The following CD82 variants were observed in gnomAD, a reference collection of about 807,000 sequenced individuals.
CD82 encodes CD82 antigen.
In CD82, 36 loss-of-function variants were observed where a neutral mutation model predicts 37.4. The observed-to-expected ratio is 0.96, with a 90% CI of 0.74 to 1.27. The LOEUF is 1.27. Ranked by LOEUF, CD82 falls within the 50% of genes most tolerant of loss-of-function variation. The pLI, the probability that CD82 is intolerant of heterozygous loss-of-function variation, is 0.00. For missense variants in CD82, 340 were observed against 347.0 expected (o/e 0.98, Z 0.16); for synonymous variants, 158 against 137.4 (o/e 1.15, Z -1.05).
chr11:44,586,832 A>T (rs2134641523), intron 1 of CD82, among the ~76,000 whole-genome samples: 1 of 152,302 alleles, frequency 6.6e-6, no homozygotes, highest in Non-Finnish European at 1.5e-5. Context: ...GCTTCCTAAA[A>T]ACATACATTG....
At chr11:44,610,897 T>C (rs1483544543) in intron 6 of CD82, among the ~76,000 whole-genome samples, 1 of 152,158 alleles carries the variant, frequency 6.6e-6, no homozygotes, top group East Asian at 1.9e-4. Flanking sequence ...TGCAGTGGGA[T>C]GATCTCGGCC....
At chr11:44,601,967 G>A (rs2134668594) in intron 4 of CD82, among the ~76,000 whole-genome samples, 1 of 151,866 alleles carries the variant, frequency 6.6e-6, no homozygotes, top group East Asian at 1.9e-4. Context: ...GCAGAACTGG[G>A]GACAGCTCTT....
chr11:44,608,865 C>T (rs760333714), intron 6 of CD82, among the ~76,000 whole-genome samples: 16 of 152,370 alleles, frequency 1.1e-4, no homozygotes, highest in Non-Finnish European at 2.2e-4. Context: ...GAGCCGGAGC[C>T]CCCAGGGGCT....
intron 2 of CD82, among the ~76,000 whole-genome samples, chr11:44,591,899 A>C (rs1249175121): frequency 6.6e-6 from 1 of 152,080 alleles, no homozygotes; most frequent in East Asian, 1.9e-4. Flanking sequence ...AGCTCACTGC[A>C]ACCTCCACCT....
At chr11:44,612,346 T>C (rs1184367065) in intron 6 of CD82, among the ~76,000 whole-genome samples, 2 of 152,228 alleles carry the variant, frequency 1.3e-5, no homozygotes, top group East Asian at 1.9e-4. Context: ...TCTGCATCTC[T>C]ATAATGAGGG....
At position 44,618,674 on chromosome 11, in the gene CD82, A is replaced by G. The variant is rs759367396; in HGVS notation, c.677A>G (p.Glu226Gly). Residue 226 changes from glutamate to glycine, a missense_variant, in exon 9 of 10, where the codon GAG (glutamate) becomes GGG (glycine). Coordinates refer to ENST00000227155, the MANE Select transcript of CD82 (RefSeq NM_002231.4). ...GAGAAGGTGCAGGCGTGGCTGCAGGAGAACCTGGGCATCATCCTCGGCGTG... is the reference window on the plus strand; with the variant it reads ...GAGAAGGTGCAGGCGTGGCTGCAGGGGAACCTGGGCATCATCCTCGGCGTG... ...CMEKVQAWLQ[E>G]NLGIILGVGV... 3 of 1,613,184 alleles carry G rather than the reference A, an allele frequency of 1.9e-6. No individual in the cohort carries two copies. Among genetic ancestry groups the G allele is most frequent in the East Asian group, 4.5e-5 (2 of 44,806 alleles).
intron 2 of CD82, among the ~76,000 whole-genome samples, chr11:44,588,970 C>A (rs1055822186): frequency 3.9e-5 from 6 of 152,238 alleles, no homozygotes; most frequent in Middle Eastern, 6.8e-3. Flanking sequence ...ATAAGATCAG[C>A]ACCTCACCAG....
intron 2 of CD82, among the ~76,000 whole-genome samples, chr11:44,589,189 G>A (rs1853103972): frequency 6.6e-6 from 1 of 152,216 alleles, no homozygotes; most frequent in Non-Finnish European, 1.5e-5. Context: ...CTAGGAGACG[G>A]AGGTTGCCAT....
At chr11:44,587,243 A>C (rs1056959845) in intron 1 of CD82, 1 of 346,338 alleles carries the variant, frequency 2.9e-6, no homozygotes, top group African/African-American at 2.1e-5. Context: ...CTGGCAGAGA[A>C]ACCCTTTTGC....
intron 1 of CD82, among the ~76,000 whole-genome samples, chr11:44,576,419 G>C (rs1457947362): frequency 6.6e-6 from 1 of 152,192 alleles, no homozygotes; most frequent in South Asian, 2.1e-4. Context: ...GAACTGAAAG[G>C]GGCAGAGCTG....
chr11:44,596,158 G>T (rs1313077837), intron 3 of CD82, among the ~76,000 whole-genome samples: 2 of 152,200 alleles, frequency 1.3e-5, no homozygotes, highest in African/African-American at 2.4e-5. Flanking sequence ...AGCCGGGCCT[G>T]GAACCCACCC....
intron 6 of CD82, among the ~76,000 whole-genome samples, chr11:44,605,827 G>A (rs1452796741): frequency 3.3e-5 from 5 of 152,220 alleles, no homozygotes; most frequent in African/African-American, 4.8e-5. Flanking sequence ...CTCAATAAAT[G>A]TTATTCTTGT....
chr11:44,581,231 G>A (rs11038068), intron 1 of CD82, among the ~76,000 whole-genome samples: 6,962 of 152,304 alleles, frequency 0.046, 209 homozygotes, highest in Non-Finnish European at 0.066. Flanking sequence ...TGGTGTGACA[G>A]TAAAGCTCAG....
At chr11:44,574,207 C>G (rs1381774643) in intron 1 of CD82, among the ~76,000 whole-genome samples, 3 of 152,186 alleles carry the variant, frequency 2.0e-5, no homozygotes, top group Admixed American at 6.5e-5. Context: ...GGGCTTACGT[C>G]TAGAGTCACA....
chr11:44,604,991 C>G, intron 4 of CD82, 67 bp from the exon 5 acceptor site: 2 of 1,611,282 alleles, frequency 1.2e-6, no homozygotes, highest in Non-Finnish European at 1.7e-6. Flanking sequence ...GGAAGAAGAC[C>G]TGGACGGTTA....
chr11:44,590,496 A>T (rs1853127025), intron 2 of CD82, among the ~76,000 whole-genome samples: 1 of 147,892 alleles, frequency 6.8e-6, no homozygotes, highest in African/African-American at 2.5e-5. Flanking sequence ...CTGTAGTCCC[A>T]GCTACTTGGG....
Position 44,619,738 on chromosome 11 carries a change from T to C in CD82, c.*612T>C, listed in dbSNP as rs916471602. Reference sequence around the variant, plus strand: ...GAGATCGTGCTACTGCACTCCAGCCTGGGGGACAGAAAGAGACTCCGTCTC... The same window carrying C: ...GAGATCGTGCTACTGCACTCCAGCCCGGGGGACAGAAAGAGACTCCGTCTC... On this transcript the variant is annotated 3_prime_UTR_variant, in exon 10 of 10. Transcript: ENST00000227155. 4 of 110,356 alleles carry C rather than the reference T, an allele frequency of 3.6e-5. No homozygotes were observed. The highest frequency in any genetic ancestry group is 6.7e-5 in the Non-Finnish European group (4 of 59,612). The allele number at this position is 110,356 out of a possible 1,614,324, so 6.8% of individuals were successfully genotyped here. A position where few individuals can be genotyped will look rare whatever the true frequency, so the allele number is the denominator to read the frequency against.
intron 5 of CD82, 37 bp from the exon 6 acceptor site, chr11:44,605,318 A>C: frequency 6.2e-7 from 1 of 1,612,854 alleles, no homozygotes. Context: ...CTGGTCGGGG[A>C]CCCTCAGCTG....
chr11:44,616,163 T>A (rs932788173), intron 7 of CD82, among the ~76,000 whole-genome samples: 1 of 151,980 alleles, frequency 6.6e-6, no homozygotes, highest in African/African-American at 2.4e-5. Context: ...ACAAAGGGCA[T>A]GGGCAGCAGG....
Sources: allele counts gnomAD v4.1 joint callset (sites outside exome capture counted in the v4.1 genomes callset), GRCh38; gene constraint gnomAD v4.1.1; transcripts MANE v1.5; gene names NCBI Gene and HGNC (gene_info 2026-07-23, HGNC 2026-07-21).